Variants in NDST3 observed in about 807,000 individuals in gnomAD.
NDST3 encodes bifunctional heparan sulfate N-deacetylase/N-sulfotransferase 3.
NDST3 carries 58 observed loss-of-function variants against 96.1 expected under a neutral mutation model. That is an observed-to-expected ratio of 0.60 (90% confidence interval 0.49 to 0.75). The LOEUF (loss-of-function observed/expected upper bound fraction) is 0.75. NDST3 is among the 30% of genes least tolerant of loss of function. The pLI, the probability that NDST3 is intolerant of heterozygous loss-of-function variation, is 0.00. For missense variants in NDST3, 788 were observed against 1,034.2 expected, an observed-to-expected ratio of 0.76 and a Z score of 3.27; for synonymous variants, 333 against 359.7, an observed-to-expected ratio of 0.93 and a Z score of 0.84.
intron 8 of NDST3, among the ~76,000 whole-genome samples, chr4:118,230,506 C>T (rs943428443): frequency 6.6e-6 from 1 of 151,222 alleles, no homozygotes; most frequent in East Asian, 1.9e-4. Context: ...ACCCGGCGGG[C>T]GGAGCTTGCA....
intron 6 of NDST3, among the ~76,000 whole-genome samples, chr4:118,164,393 C>A (rs921520692): frequency 2.6e-5 from 4 of 152,052 alleles, no homozygotes; most frequent in Non-Finnish European, 5.9e-5. Context: ...TCTTGGGTAC[C>A]AGTCTTGGGT....
At chr4:118,120,372 T>A (rs983727398) in intron 4 of NDST3, among the ~76,000 whole-genome samples, 8 of 151,968 alleles carry the variant, frequency 5.3e-5, no homozygotes, top group African/African-American at 1.9e-4. Flanking sequence ...TTACTGTGGT[T>A]TCTGCGGGAA....
chr4:118,074,532 A>C (rs1326493282), intron 2 of NDST3, among the ~76,000 whole-genome samples: 1 of 152,128 alleles, frequency 6.6e-6, no homozygotes, highest in East Asian at 1.9e-4. Flanking sequence ...TGTTGGTTTA[A>C]AGGCTGTTTT....
At chr4:118,058,318 A>G (rs1419002075) in intron 2 of NDST3, among the ~76,000 whole-genome samples, 1 of 151,592 alleles carries the variant, frequency 6.6e-6, no homozygotes, top group Non-Finnish European at 1.5e-5. Flanking sequence ...ATGCAATATC[A>G]GCTTTACCCA....
chr4:118,059,894 A>G (rs2110463792), intron 2 of NDST3, among the ~76,000 whole-genome samples: 1 of 152,142 alleles, frequency 6.6e-6, no homozygotes, highest in African/African-American at 2.4e-5. Flanking sequence ...GTTCCTTTCC[A>G]TTATATCTGA....
rs375860058 is a variant in NDST3, at chr4:118,224,724, T to C, written c.1722+51T>C. The C allele has an allele frequency of 1.2e-4, 167 of 1,436,794 alleles. 1 individual carries two copies. Among genetic ancestry groups the C allele is most frequent in the Admixed American group, 2.5e-5 (1 of 40,420 alleles). 89.0% of individuals were successfully genotyped at this position (1,436,794 alleles called of 1,614,324 possible). On this transcript the variant is annotated intron_variant, in intron 7 of 13. Coordinates refer to ENST00000296499, the MANE Select transcript of NDST3 (RefSeq NM_004784.3). ...AACCAGTTAATTCCAGGAACATAAT[T>C]CTGTGAGATATCCCAAATTTGAAAA... is the stretch of plus-strand genomic sequence containing the variant.
At chr4:118,164,498 A>C (rs1735413716) in intron 6 of NDST3, among the ~76,000 whole-genome samples, 1 of 152,122 alleles carries the variant, frequency 6.6e-6, no homozygotes, top group Non-Finnish European at 1.5e-5. Context: ...CTAAAATTAA[A>C]AGTTAGAAGA....
chr4:118,051,267 A>G (rs1174367119), intron 1 of NDST3, among the ~76,000 whole-genome samples: 1 of 151,964 alleles, frequency 6.6e-6, no homozygotes, highest in Non-Finnish European at 1.5e-5. Context: ...TAAGTAAGCA[A>G]GTTAATTCAA....
chr4:118,045,478 T>G (rs1287326025), intron 1 of NDST3, among the ~76,000 whole-genome samples: 1 of 152,204 alleles, frequency 6.6e-6, no homozygotes, highest in Non-Finnish European at 1.5e-5. Flanking sequence ...CCATAAATGT[T>G]TGAATGCATG....
intron 12 of NDST3, among the ~76,000 whole-genome samples, chr4:118,243,923 C>A (rs970032916): frequency 5.9e-5 from 9 of 152,102 alleles, no homozygotes; most frequent in African/African-American, 2.2e-4. Context: ...ATACAAAGAA[C>A]CGTAGTCCGT....
At chr4:118,112,580 G>C (rs1429294852) in intron 3 of NDST3, among the ~76,000 whole-genome samples, 3 of 152,206 alleles carry the variant, frequency 2.0e-5, no homozygotes, top group Admixed American at 1.3e-4. Flanking sequence ...TTAAGCAACA[G>C]GGGAGTATCT....
rs1228251742 is a variant in NDST3 at position 118,240,615 on chromosome 4, C to G, written c.2210C>G (p.Ala737Gly). The G allele has an allele frequency of 6.2e-7, 1 of 1,613,906 alleles. No individual in the cohort carries two copies. ...AGPRAPSELR[A>G]LQKRCLVPGW... The stretch of plus-strand genomic sequence containing the variant: ...CCCCGTGCACCCTCGGAGCTCAGAG[C>G]CTTGCAGAAGAGATGTTTGGTCCCG... The change falls in exon 11 of 14, where the codon GCC becomes GGC. Residue 737 changes from alanine to glycine, a missense_variant. Physicochemically the swap from Ala to Gly is moderately conservative, Grantham distance 60. Transcript: ENST00000296499.
At chr4:118,238,123 G>GAA (rs1444207852) in intron 10 of NDST3, among the ~76,000 whole-genome samples, 1 of 116,564 alleles carries the variant, frequency 8.6e-6, no homozygotes, top group Non-Finnish European at 1.7e-5. Context: ...GTCAAAAGAA[G>GAA]AGAGAGAGAG....
At chr4:118,130,563 T>C (rs1195246347) in intron 4 of NDST3, among the ~76,000 whole-genome samples, 1 of 152,192 alleles carries the variant, frequency 6.6e-6, no homozygotes, top group Admixed American at 6.5e-5. Context: ...TGGTTCATCA[T>C]TTAGTCTTTC....
intron 8 of NDST3, among the ~76,000 whole-genome samples, chr4:118,232,738 C>G (rs1484469771): frequency 6.6e-6 from 1 of 151,696 alleles, no homozygotes; most frequent in Non-Finnish European, 1.5e-5. Context: ...CAAACAGAAG[C>G]TAAAAGACAA....
At chr4:118,170,183 T>C (rs1735842148) in intron 6 of NDST3, among the ~76,000 whole-genome samples, 1 of 152,198 alleles carries the variant, frequency 6.6e-6, no homozygotes, top group African/African-American at 2.4e-5. Context: ...GAAATTGTGG[T>C]AGTCATTTTT....
At chr4:118,220,501 ATGGG>A (rs1170287450) in intron 6 of NDST3, among the ~76,000 whole-genome samples, 6 of 151,972 alleles carry the variant, frequency 3.9e-5, no homozygotes, top group African/African-American at 1.4e-4. Context: ...GCTAATGTAT[ATGGG>A]GCTTAAAACC....
At chr4:118,125,410 C>T (rs1374230751) in intron 4 of NDST3, among the ~76,000 whole-genome samples, 1 of 151,970 alleles carries the variant, frequency 6.6e-6, no homozygotes. Context: ...ACATACCACC[C>T]AGCAAACCAA....
At chr4:118,201,207 C>T (rs547327882) in intron 6 of NDST3, among the ~76,000 whole-genome samples, 1 of 152,246 alleles carries the variant, frequency 6.6e-6, no homozygotes, top group East Asian at 1.9e-4. Context: ...TAGGTTGATC[C>T]CATGTCTTTG....
Sources: allele counts gnomAD v4.1 joint callset (sites outside exome capture counted in the v4.1 genomes callset), GRCh38; gene constraint gnomAD v4.1.1; transcripts MANE v1.5; gene names NCBI Gene and HGNC (gene_info 2026-07-23, HGNC 2026-07-21).